The following TTC6 variants were observed in gnomAD, a reference collection of about 807,000 sequenced individuals.
TTC6 encodes the protein tetratricopeptide repeat domain 6, also known as tetratricopeptide repeat protein 6.
Under a neutral mutation model 210.4 loss-of-function variants are expected in TTC6, and 172 were observed. The ratio of observed to expected loss-of-function variants is 0.82; its 90% confidence interval spans 0.72 to 0.93. The LOEUF is 0.93. TTC6 is among the 40% of genes least tolerant of loss of function. TTC6 has a pLI of 0.00. For missense variants in TTC6, 2,414 were observed against 2,318.1 expected (o/e 1.04, Z -0.85); for synonymous variants, 804 against 819.6 (o/e 0.98, Z 0.32).
intron 27 of TTC6, among the ~76,000 whole-genome samples, chr14:37,824,875 T>C (rs1052572426): frequency 6.6e-6 from 1 of 152,082 alleles, no homozygotes; most frequent in Non-Finnish European, 1.5e-5. Flanking sequence ...TGGAATGTTA[T>C]GGGCAAAGGG....
intron 1 of TTC6, among the ~76,000 whole-genome samples, chr14:37,642,749 A>G (rs1489252720): frequency 4.6e-5 from 7 of 152,302 alleles, no homozygotes; most frequent in African/African-American, 1.2e-4. Flanking sequence ...CCTAGGCTAG[A>G]TGGTATAGCC....
chr14:37,645,133 TATG>T (rs751136239), intron 1 of TTC6, among the ~76,000 whole-genome samples: 13 of 152,218 alleles, frequency 8.5e-5, no homozygotes, highest in Non-Finnish European at 1.8e-4. Flanking sequence ...CTTTGTGCAT[TATG>T]GTACTTTTCA....
At chr14:37,669,510 A>G (rs2095754402) in intron 1 of TTC6, among the ~76,000 whole-genome samples, 5 of 152,160 alleles carry the variant, frequency 3.3e-5, no homozygotes, top group Admixed American at 3.3e-4. Flanking sequence ...TAAATATAAT[A>G]TTCCCCTTCC....
At chr14:37,625,772 G>A (rs1051423109) in intron 1 of TTC6, among the ~76,000 whole-genome samples, 10 of 152,150 alleles carry the variant, frequency 6.6e-5, no homozygotes, top group African/African-American at 2.2e-4. Context: ...GAGGTAAGAT[G>A]ATCTCAGCAG....
intron 2 of TTC6, among the ~76,000 whole-genome samples, chr14:37,616,852 C>G (rs12893402): frequency 6.6e-6 from 1 of 151,856 alleles, no homozygotes; most frequent in South Asian, 2.1e-4. Flanking sequence ...AACATACACA[C>G]GCATCATTTT....
intron 15 of TTC6, among the ~76,000 whole-genome samples, chr14:37,788,614 C>T (rs144674748): frequency 3.3e-5 from 5 of 152,252 alleles, no homozygotes; most frequent in African/African-American, 7.2e-5. Context: ...CTAATTCTTT[C>T]GTCATCTTTG....
chr14:37,697,697 C>T (rs2095817404), intron 4 of TTC6, among the ~76,000 whole-genome samples: 1 of 152,210 alleles, frequency 6.6e-6, no homozygotes, highest in Middle Eastern at 3.4e-3. Flanking sequence ...TTTAAGTGAC[C>T]CTGTACATAC....
At chr14:37,782,377 C>T (rs2096057251) in intron 14 of TTC6, among the ~76,000 whole-genome samples, 1 of 152,050 alleles carries the variant, frequency 6.6e-6, no homozygotes, top group African/African-American at 2.4e-5. Context: ...GTATTTTATT[C>T]TCTTTGAAGC....
At chr14:37,743,022 T>A (rs922015406) in intron 10 of TTC6, among the ~76,000 whole-genome samples, 1 of 152,254 alleles carries the variant, frequency 6.6e-6, no homozygotes, top group Admixed American at 6.5e-5. Flanking sequence ...ACATTTGAAC[T>A]GTTCAAAATT....
chr14:37,842,411 A>C (rs1449810563), exon 31 of TTC6: 4 of 852,886 alleles, frequency 4.7e-6, no homozygotes, highest in African/African-American at 1.8e-5. Flanking sequence ...TTAGTCTTCC[A>C]TATAACCTTC....
chr14:37,663,557 A>G (rs987321877), intron 1 of TTC6, among the ~76,000 whole-genome samples: 5 of 152,250 alleles, frequency 3.3e-5, no homozygotes, highest in Admixed American at 3.3e-4. Flanking sequence ...TTCATCCCCA[A>G]TTATCCTACT....
chr14:37,619,003 C>A (rs1030416479), upstream of TTC6, among the ~76,000 whole-genome samples: 26 of 152,072 alleles, frequency 1.7e-4, no homozygotes, highest in Admixed American at 3.3e-4. Flanking sequence ...GGAAGAAATG[C>A]AGATAGTGTT....
At chr14:37,634,430 G>A (rs1222748816) in intron 1 of TTC6, among the ~76,000 whole-genome samples, 2 of 152,106 alleles carry the variant, frequency 1.3e-5, no homozygotes, top group Non-Finnish European at 2.9e-5. Flanking sequence ...TACTTGAGCT[G>A]AAAACAGAGA....
intron 14 of TTC6, among the ~76,000 whole-genome samples, chr14:37,756,882 G>T (rs1289061543): frequency 6.6e-6 from 1 of 152,144 alleles, no homozygotes; most frequent in Non-Finnish European, 1.5e-5. Flanking sequence ...TTACAGAGGA[G>T]TCCCTCTTTT....
chr14:37,736,743 C>T (rs372271852), intron 8 of TTC6, among the ~76,000 whole-genome samples: 5 of 152,180 alleles, frequency 3.3e-5, no homozygotes, highest in African/African-American at 1.2e-4. Flanking sequence ...ATTTTTCTCT[C>T]ACTAGTGCCT....
chr14:37,637,047 A>C (rs1462661186), intron 1 of TTC6, among the ~76,000 whole-genome samples: 1 of 152,186 alleles, frequency 6.6e-6, no homozygotes, highest in Non-Finnish European at 1.5e-5. Context: ...ACTTCATTTC[A>C]ACAAATGGTT....
At chr14:37,822,272 G>T (rs1490502517) in intron 26 of TTC6, among the ~76,000 whole-genome samples, 1 of 152,142 alleles carries the variant, frequency 6.6e-6, no homozygotes, top group Non-Finnish European at 1.5e-5. Flanking sequence ...AAAAAAGTAA[G>T]TTGACTTAAA....
At chr14:37,709,053 T>A (rs893535258) in intron 5 of TTC6, among the ~76,000 whole-genome samples, 6 of 152,076 alleles carry the variant, frequency 3.9e-5, no homozygotes, top group African/African-American at 1.4e-4. Flanking sequence ...TCTCATATGC[T>A]TTTTATTTCC....
chr14:37,759,268 A>AAAAAAAAG (rs1566935373), intron 14 of TTC6, among the ~76,000 whole-genome samples: 2 of 151,856 alleles, frequency 1.3e-5, no homozygotes, highest in African/African-American at 2.4e-5. Flanking sequence ...ATCTCAAAAA[A>AAAAAAAAG]AAAAAAAGAA....
Sources: allele counts gnomAD v4.1 joint callset (sites outside exome capture counted in the v4.1 genomes callset), GRCh38; gene constraint gnomAD v4.1.1; transcripts MANE v1.5; gene names NCBI Gene and HGNC (gene_info 2026-07-23, HGNC 2026-07-21).